DLGAP1: variants seen among roughly 807,000 people sequenced by gnomAD.
DLGAP1 encodes the protein disks large-associated protein 1.
In DLGAP1, 11 loss-of-function variants were observed where a neutral mutation model predicts 90.8. That is an observed-to-expected ratio of 0.12 (90% confidence interval 0.08 to 0.20). The LOEUF is 0.20. Among genes scored for constraint, DLGAP1 ranks in the 10% least tolerant of loss-of-function variants. The pLI, the probability that DLGAP1 is intolerant of heterozygous loss-of-function variation, is 1.00. For missense variants in DLGAP1, 1,050 were observed against 1,333.8 expected (o/e 0.79, Z 3.31); for synonymous variants, 558 against 540.7 (o/e 1.03, Z -0.44).
intron 2 of DLGAP1, among the ~76,000 whole-genome samples, chr18:4,078,660 C>G (rs944649353): frequency 6.6e-6 from 1 of 152,184 alleles, no homozygotes; most frequent in African/African-American, 2.4e-5. Flanking sequence ...TTACAAAACA[C>G]TGGTCATCTA....
intron 1 of DLGAP1, among the ~76,000 whole-genome samples, chr18:4,311,979 G>T (rs759083097): frequency 1.3e-5 from 2 of 152,142 alleles, no homozygotes; most frequent in African/African-American, 4.8e-5. Context: ...GCCTCCCAAA[G>T]TGCTGGGATT....
chr18:4,189,437 G>A (rs949657518), intron 1 of DLGAP1, among the ~76,000 whole-genome samples: 1 of 152,104 alleles, frequency 6.6e-6, no homozygotes, highest in African/African-American at 2.4e-5. Context: ...CATCTAAGAA[G>A]TGAGCATTGA....
intron 8 of DLGAP1, chr18:3,580,108 A>C (rs2055399962): frequency 5.4e-6 from 5 of 929,712 alleles, no homozygotes; most frequent in Non-Finnish European, 8.8e-6. Context: ...CTTGAGTCAC[A>C]CATTCAATTT....
chr18:3,565,236 C>A lies in DLGAP1; in HGVS notation c.2057+2254G>T, dbSNP rs1444438147. Among the ~76,000 whole-genome samples the A allele has an allele frequency of 1.3e-5, 2 of 152,108 alleles. No homozygotes were observed. The highest frequency in any genetic ancestry group is 4.8e-5 in the African/African-American group (2 of 41,432). On this transcript the variant is annotated intron_variant, in intron 9 of 12. Coordinates refer to ENST00000315677, the MANE Select transcript of DLGAP1 (RefSeq NM_004746.4). The surrounding 1 kb of genome is among the most constrained non-coding windows in gnomAD (Gnocchi z 4.0). The stretch of plus-strand genomic sequence containing the variant: ...TCATCTTGGCTCACTGCAATCTCTG[C>A]CTCCTGGGTTAAAGGGATTGTCCTG...
intron 2 of DLGAP1, among the ~76,000 whole-genome samples, chr18:4,056,265 C>T (rs1375063737): frequency 6.6e-6 from 1 of 152,134 alleles, no homozygotes; most frequent in African/African-American, 2.4e-5. Context: ...AAGGTTTGGG[C>T]AGGCTGATGG....
chr18:3,543,703 A>G (rs1174368299), intron 9 of DLGAP1, among the ~76,000 whole-genome samples: 1 of 152,204 alleles, frequency 6.6e-6, no homozygotes. Flanking sequence ...ACAATGAAGA[A>G]CAGTGATCAC....
intron 1 of DLGAP1, among the ~76,000 whole-genome samples, chr18:4,321,491 T>A (rs1025993744): frequency 2.0e-5 from 3 of 152,222 alleles, no homozygotes; most frequent in African/African-American, 7.2e-5. Flanking sequence ...GGAAAGTTTA[T>A]CTCTAGCAAC....
intron 1 of DLGAP1, among the ~76,000 whole-genome samples, chr18:4,152,843 A>G (rs1345461731): frequency 6.6e-6 from 1 of 152,244 alleles, no homozygotes; most frequent in Non-Finnish European, 1.5e-5. Context: ...AGTATTTTCA[A>G]TATTCCATTA....
intron 4 of DLGAP1, among the ~76,000 whole-genome samples, chr18:3,868,450 A>T (rs960286891): frequency 1.3e-5 from 2 of 152,162 alleles, no homozygotes; most frequent in Non-Finnish European, 2.9e-5. Context: ...AGGGGATGCT[A>T]GCCAGATGGA....
chr18:3,499,266 G>A lies in DLGAP1; in HGVS notation c.2853C>T (p.Ala951=). 6.2e-7 allele frequency: 1 copy of A among 1,600,370 alleles called. No individual in the cohort carries two copies. The highest frequency in any genetic ancestry group is 8.5e-7 in the Non-Finnish European group (1 of 1,174,474). The change falls in exon 13 of 13, where the codon GCC becomes GCT. Residue 951 remains alanine, a synonymous_variant. Transcript: ENST00000315677. The surrounding 1 kb of genome is among the most constrained non-coding windows in gnomAD (Gnocchi z 6.4). ...ARKRLMAAKR[A]ASVRQNSATE... ...TGGCCGAGTTCTGGCGGACGGACGC[G>A]GCGCGCTTGGCGGCCATCAGGCGCT...
chr18:4,264,168 G>A (rs185232047), intron 1 of DLGAP1, among the ~76,000 whole-genome samples: 7 of 152,162 alleles, frequency 4.6e-5, no homozygotes, highest in Non-Finnish European at 8.8e-5. Flanking sequence ...GAGATTTCTT[G>A]GAGCCACAGA....
chr18:4,087,060 TAC>T (rs1555737178), intron 2 of DLGAP1, among the ~76,000 whole-genome samples: 2 of 96,796 alleles, frequency 2.1e-5, no homozygotes, highest in Admixed American at 1.8e-4. Context: ...CATATATATA[TAC>T]ACACACTTAT....
At chr18:3,693,122 C>T (rs531624108) in intron 7 of DLGAP1, among the ~76,000 whole-genome samples, 2 of 152,344 alleles carry the variant, frequency 1.3e-5, no homozygotes, top group Admixed American at 6.5e-5. Context: ...GAGTCTATGT[C>T]GCTCAGGCTG....
At chr18:3,685,139 A>G (rs1357698861) in intron 7 of DLGAP1, among the ~76,000 whole-genome samples, 1 of 152,198 alleles carries the variant, frequency 6.6e-6, no homozygotes, top group Non-Finnish European at 1.5e-5. Context: ...TATTGCCTTA[A>G]TAAGGTTTTT....
At chr18:3,616,378 G>A (rs1375763713) in intron 7 of DLGAP1, among the ~76,000 whole-genome samples, 1 of 152,148 alleles carries the variant, frequency 6.6e-6, no homozygotes, top group African/African-American at 2.4e-5. Flanking sequence ...GTTTGTGTTT[G>A]AGAGGTGAGC....
chr18:4,391,168 C>G (rs1451512910), intron 1 of DLGAP1, among the ~76,000 whole-genome samples: 1 of 152,170 alleles, frequency 6.6e-6, no homozygotes, highest in Non-Finnish European at 1.5e-5. Context: ...GAAGATGCTC[C>G]TCCTGCAATC....
intron 2 of DLGAP1, among the ~76,000 whole-genome samples, chr18:4,055,994 C>A (rs1462941129): frequency 6.6e-6 from 1 of 152,032 alleles, no homozygotes; most frequent in African/African-American, 2.4e-5. Flanking sequence ...TATACTTTTA[C>A]AAAGGATGTA....
At chr18:3,699,658 G>C (rs1013534240) in intron 7 of DLGAP1, among the ~76,000 whole-genome samples, 1 of 152,182 alleles carries the variant, frequency 6.6e-6, no homozygotes, top group Non-Finnish European at 1.5e-5. Context: ...AGCAGAGCTT[G>C]AGCACTGTGC....
chr18:4,356,400 T>G (rs546250078), intron 1 of DLGAP1, among the ~76,000 whole-genome samples: 1 of 152,188 alleles, frequency 6.6e-6, no homozygotes, highest in East Asian at 1.9e-4. Context: ...ACCTTAAAAT[T>G]TACATGACCA....
Sources: gnomAD v4.1 joint callset for allele counts (sites outside exome capture counted in the v4.1 genomes callset) on GRCh38, gnomAD v4.1.1 for gene constraint, Gnocchi (gnomAD v3.1) non-coding constraint, MANE v1.5 for transcripts, NCBI Gene and HGNC (gene_info 2026-07-23, HGNC 2026-07-21) for gene names.